SLC6A6: variants seen among roughly 807,000 people sequenced by gnomAD.
The protein encoded by SLC6A6 is solute carrier family 6 member 6, also known as sodium- and chloride-dependent taurine transporter.
SLC6A6 carries 16 observed loss-of-function variants against 68.8 expected under a neutral mutation model. The observed-to-expected ratio is 0.23, with a 90% CI of 0.16 to 0.35. The LOEUF is 0.35. SLC6A6 is among the 10% of genes least tolerant of loss of function. The probability of loss-of-function intolerance (pLI) is 1.00; values close to 1 mark genes in which losing one functional copy is unlikely to be tolerated. For missense variants in SLC6A6, 474 were observed against 802.8 expected (o/e 0.59, Z 4.95); for synonymous variants, 312 against 315.4 (o/e 0.99, Z 0.12).
intron 1 of SLC6A6, among the ~76,000 whole-genome samples, chr3:14,403,980 AG>A (rs1206781420): frequency 2.0e-5 from 3 of 152,310 alleles, no homozygotes; most frequent in East Asian, 1.9e-4. Context: ...CAGCCCCAAA[AG>A]CTTGGGAGGC....
chr3:14,455,511 G>T (rs3773179), intron 5 of SLC6A6, among the ~76,000 whole-genome samples: 9,534 of 152,338 alleles, frequency 0.063, 410 homozygotes, highest in Middle Eastern at 0.12. Flanking sequence ...GATGTCCAGG[G>T]TCTGGTGGGC....
rs1700951074 is a variant in SLC6A6 at position 14,479,163 on chromosome 3, T to G, written c.1529T>G (p.Val510Gly). ...CCCTGGATGAAGTACAGCTGGGCTG[T>G]GATCACTCCAGTTCTCTGTGTTGTG... ...PGPWMKYSWA[V>G]ITPVLCVGCF... The change falls in exon 13 of 15, where the codon GTG (valine) becomes GGG (glycine). Residue 510 changes from valine (V) to glycine (G), a missense_variant. Coordinates refer to ENST00000622186, the MANE Select transcript of SLC6A6 (RefSeq NM_003043.6). 6.2e-7 allele frequency: 1 copy of G among 1,611,392 alleles called. No homozygotes were observed. The highest frequency in any genetic ancestry group is 8.5e-7 in the Non-Finnish European group (1 of 1,177,456).
At chr3:14,407,744 G>A (rs1226135037) in intron 1 of SLC6A6, among the ~76,000 whole-genome samples, 2 of 152,080 alleles carry the variant, frequency 1.3e-5, no homozygotes, top group Non-Finnish European at 2.9e-5. Context: ...AGGCTTAAAC[G>A]ATCCACCCTT....
At chr3:14,466,338 G>A (rs1005719597) in intron 6 of SLC6A6, among the ~76,000 whole-genome samples, 178 bp from the exon 7 acceptor site, 1 of 151,176 alleles carries the variant, frequency 6.6e-6, no homozygotes, top group Admixed American at 6.6e-5. Flanking sequence ...AGATGAGGCA[G>A]CTGAGACCCA....
intron 14 of SLC6A6, among the ~76,000 whole-genome samples, chr3:14,483,133 A>G (rs1215370403): frequency 6.6e-6 from 1 of 152,152 alleles, no homozygotes; most frequent in Non-Finnish European, 1.5e-5. Flanking sequence ...TCAAAGCCTC[A>G]TTTTAAAATA....
At chr3:14,417,812 A>G (rs1199754892) in intron 2 of SLC6A6, among the ~76,000 whole-genome samples, 1 of 151,662 alleles carries the variant, frequency 6.6e-6, no homozygotes, top group African/African-American at 2.4e-5. Flanking sequence ...CTGATTTAAC[A>G]TTGACGTGAT....
chr3:14,414,946 G>C (rs768928205), intron 1 of SLC6A6, among the ~76,000 whole-genome samples: 20 of 152,166 alleles, frequency 1.3e-4, no homozygotes, highest in Non-Finnish European at 2.8e-4. Context: ...CTTTAAACAG[G>C]CTGCCTTCAT....
At chr3:14,408,932 A>C (rs1218469586) in intron 1 of SLC6A6, among the ~76,000 whole-genome samples, 1 of 151,726 alleles carries the variant, frequency 6.6e-6, no homozygotes, top group Non-Finnish European at 1.5e-5. Flanking sequence ...TCAGCCTCCC[A>C]AGTAGCTGGG....
In SLC6A6 at chr3:14,481,598, A is replaced by C; in HGVS notation, c.1552-73A>C. 1.0e-6 allele frequency: 1 copy of C among 995,714 alleles called. No individual in the cohort carries two copies. The allele number at this position is 995,714 out of a possible 1,614,324, so 61.7% of individuals were successfully genotyped here. A position where few individuals can be genotyped will look rare whatever the true frequency, so the allele number is the denominator to read the frequency against. The stretch of plus-strand genomic sequence containing the variant: ...GAGACCCTTCCCTCAGGTTGAGGCC[A>C]GTCCTAGTCCCAGAAGCCCCCCACC... On this transcript the variant is annotated intron_variant, in intron 13 of 14. Coordinates refer to ENST00000622186, the MANE Select transcript of SLC6A6 (RefSeq NM_003043.6). The surrounding 1 kb of genome is among the most constrained non-coding windows in gnomAD (Gnocchi z 4.7).
rs896191849 is a variant in SLC6A6 at position 14,421,644 on chromosome 3, G to A, written c.-12+5191G>A. 1.2e-4 allele frequency among the ~76,000 whole-genome samples: 18 copies of A among 152,316 alleles called. 1 individual carries two copies. The South Asian group carries it at 2.3e-3, about 19-fold the overall frequency. On this transcript the variant is annotated intron_variant, in intron 2 of 14. Transcript: ENST00000622186. ...AAGTCTGAATATATGCATAGTAATCGCATCTGCAGCCCTCTACAGTTTGCA... is the reference window on the plus strand; with the variant it reads ...AAGTCTGAATATATGCATAGTAATCACATCTGCAGCCCTCTACAGTTTGCA...
At chr3:14,467,096 C>T (rs924350922) in intron 7 of SLC6A6, among the ~76,000 whole-genome samples, 1 of 152,082 alleles carries the variant, frequency 6.6e-6, no homozygotes, top group African/African-American at 2.4e-5. Flanking sequence ...GGTCCACGGG[C>T]AGATACCGAA....
chr3:14,469,307 C>T (rs55832581), intron 9 of SLC6A6, among the ~76,000 whole-genome samples: 44 of 152,176 alleles, frequency 2.9e-4, no homozygotes, highest in South Asian at 6.2e-4. Context: ...CCTTCCAAGC[C>T]GAAGGGAGAG....
At chr3:14,432,214 G>A (rs1699741012) in intron 2 of SLC6A6, among the ~76,000 whole-genome samples, 2 of 152,238 alleles carry the variant, frequency 1.3e-5, no homozygotes, top group African/African-American at 2.4e-5. Context: ...CTTAAAAGGA[G>A]AAGGTCAAGG....
At chr3:14,470,649 G>A (rs894900273) in intron 9 of SLC6A6, among the ~76,000 whole-genome samples, 1 of 152,296 alleles carries the variant, frequency 6.6e-6, no homozygotes, top group Non-Finnish European at 1.5e-5. Flanking sequence ...GGCTGGACTC[G>A]ATTCCTCATT....
intron 2 of SLC6A6, among the ~76,000 whole-genome samples, chr3:14,437,544 T>C (rs1460548095): frequency 6.6e-6 from 1 of 152,244 alleles, no homozygotes; most frequent in East Asian, 1.9e-4. Context: ...CATCTGCGTA[T>C]GTTGTAGAAT....
Position 14,477,694 on chromosome 3 carries a change from A to T in SLC6A6, c.1347+352A>T, listed in dbSNP as rs1490849091. ...TGGGGGTGGGGTGGAGACATTCTCA[A>T]GGGTAAACGCAGGCCTCCCAGGAAA... On this transcript the variant is annotated intron_variant, in intron 11 of 14. Coordinates refer to ENST00000622186, the MANE Select transcript of SLC6A6 (RefSeq NM_003043.6). The surrounding 1 kb of genome is among the most constrained non-coding windows in gnomAD (Gnocchi z 4.2). 2.6e-5 allele frequency among the ~76,000 whole-genome samples: 4 copies of T among 152,136 alleles called. No individual in the cohort carries two copies. The highest frequency in any genetic ancestry group is 9.7e-5 in the African/African-American group (4 of 41,420).
chr3:14,415,820 T>G (rs9861690), intron 1 of SLC6A6, among the ~76,000 whole-genome samples: 175 of 152,240 alleles, frequency 1.1e-3, no homozygotes, highest in Middle Eastern at 6.8e-3. Flanking sequence ...CCTGAACTGG[T>G]TGGTGAATAC....
intron 6 of SLC6A6, 65 bp from the exon 7 acceptor site, chr3:14,466,451 G>T: frequency 1.3e-6 from 2 of 1,536,646 alleles, no homozygotes; most frequent in Non-Finnish European, 1.8e-6. Flanking sequence ...CTCTCTGAGA[G>T]GATGCTCAGA....
At chr3:14,408,932 A>G (rs1218469586) in intron 1 of SLC6A6, among the ~76,000 whole-genome samples, 3 of 151,726 alleles carry the variant, frequency 2.0e-5, no homozygotes, top group South Asian at 2.1e-4. Context: ...TCAGCCTCCC[A>G]AGTAGCTGGG....
Sources: gnomAD v4.1 joint callset for allele counts (sites outside exome capture counted in the v4.1 genomes callset) on GRCh38, gnomAD v4.1.1 for gene constraint, Gnocchi (gnomAD v3.1) non-coding constraint, MANE v1.5 for transcripts, NCBI Gene and HGNC (gene_info 2026-07-23, HGNC 2026-07-21) for gene names.